Variants in KCNS3 observed in about 807,000 individuals in gnomAD.
The protein encoded by KCNS3 is potassium voltage-gated channel modifier subfamily S member 3.
In KCNS3, 13 loss-of-function variants were observed where a neutral mutation model predicts 31.0. The observed-to-expected ratio is 0.42, with a 90% CI of 0.27 to 0.67. The LOEUF (loss-of-function observed/expected upper bound fraction) is 0.67. Ranked by LOEUF, KCNS3 falls within the 30% of genes least tolerant of loss-of-function variation. KCNS3 has a pLI of 0.25. For synonymous variants in KCNS3, 238 were observed against 241.5 expected, an observed-to-expected ratio of 0.99 and a Z score of 0.13; for missense variants, 545 against 622.4, an observed-to-expected ratio of 0.88 and a Z score of 1.32.
intron 1 of KCNS3, among the ~76,000 whole-genome samples, chr2:17,894,972 T>A (rs1661987987): frequency 6.6e-6 from 1 of 152,190 alleles, no homozygotes; most frequent in South Asian, 2.1e-4. Context: ...ATTTAAAACT[T>A]TTTTGACTTG....
chr2:17,887,111 T>C (rs1208103684), intron 1 of KCNS3, among the ~76,000 whole-genome samples: 1 of 143,964 alleles, frequency 6.9e-6, no homozygotes, highest in Non-Finnish European at 1.5e-5. Context: ...TCTTCTATTA[T>C]TATTATTGTT....
chr2:17,909,467 GC>G (rs1392475955), intron 1 of KCNS3, among the ~76,000 whole-genome samples: 2 of 152,070 alleles, frequency 1.3e-5, no homozygotes, highest in African/African-American at 4.8e-5. Flanking sequence ...CCACTGTCCT[GC>G]CCCCACTGTC....
chr2:17,884,157 A>G (rs1213615038), intron 1 of KCNS3, among the ~76,000 whole-genome samples: 1 of 148,826 alleles, frequency 6.7e-6, no homozygotes, highest in African/African-American at 2.5e-5. Flanking sequence ...CCTAATGTAA[A>G]TAACGAGTTA....
chr2:17,886,552 T>TGAGATTC (rs1426483529), intron 1 of KCNS3, among the ~76,000 whole-genome samples: 6 of 152,284 alleles, frequency 3.9e-5, no homozygotes, highest in Non-Finnish European at 8.8e-5. Context: ...GTTACGAAGA[T>TGAGATTC]GAGATTCAGC....
chr2:17,910,801 G>C (rs1266853159), intron 1 of KCNS3, among the ~76,000 whole-genome samples: 1 of 152,084 alleles, frequency 6.6e-6, no homozygotes, highest in Non-Finnish European at 1.5e-5. Flanking sequence ...CTCTCCCATA[G>C]ACATCTCTTA....
chr2:17,883,812 T>G (rs947515262), intron 1 of KCNS3, among the ~76,000 whole-genome samples: 16 of 152,042 alleles, frequency 1.1e-4, no homozygotes, highest in Non-Finnish European at 2.2e-4. Context: ...CACACGTATG[T>G]TTATTGCGGC....
chr2:17,884,257 A>T (rs1452087638), intron 1 of KCNS3, among the ~76,000 whole-genome samples: 2 of 51,962 alleles, frequency 3.8e-5, no homozygotes, highest in East Asian at 9.2e-4. Flanking sequence ...AAGTATAATT[A>T]AAAAAAAAAA....
intron 1 of KCNS3, among the ~76,000 whole-genome samples, chr2:17,886,751 T>TCCATCCATCCAC (rs1287310803): frequency 4.0e-5 from 6 of 150,838 alleles, no homozygotes; most frequent in Non-Finnish European, 7.4e-5. Flanking sequence ...TGTCCATCCA[T>TCCATCCATCCAC]CCATCCATCC....
At chr2:17,918,269 A>G (rs892542017) in intron 2 of KCNS3, among the ~76,000 whole-genome samples, 1 of 152,230 alleles carries the variant, frequency 6.6e-6, no homozygotes, top group African/African-American at 2.4e-5. Context: ...CAGACTGGGT[A>G]GCTCATCAGA....
At chr2:17,887,633 A>T (rs1266472939) in intron 1 of KCNS3, among the ~76,000 whole-genome samples, 5 of 152,128 alleles carry the variant, frequency 3.3e-5, no homozygotes, top group African/African-American at 1.2e-4. Context: ...GCTGCTATAA[A>T]CATGTGTGCA....
chr2:17,889,893 G>T (rs1661796363), intron 1 of KCNS3, among the ~76,000 whole-genome samples: 1 of 151,782 alleles, frequency 6.6e-6, no homozygotes, highest in Non-Finnish European at 1.5e-5. Flanking sequence ...TTTCTTTTTT[G>T]GTTATATCCT....
Position 17,932,381 on chromosome 2 carries a change from T to C in KCNS3, c.1373T>C (p.Val458Ala). 1 of 1,614,114 alleles carries C rather than the reference T, an allele frequency of 6.2e-7. No homozygotes were observed. The highest frequency in any genetic ancestry group is 8.5e-7 in the Non-Finnish European group (1 of 1,180,000). ...MHTFITSLSS[V>A]GIVVSDPDST... ...ACCTTCATTACCAGTCTCTCTTCTGTAGGCATTGTGGTGAGCGATCCTGAC... is the reference window on the plus strand; with the variant it reads ...ACCTTCATTACCAGTCTCTCTTCTGCAGGCATTGTGGTGAGCGATCCTGAC... Residue 458 changes from valine (V) to alanine (A), a missense_variant, in exon 3 of 3, where the codon GTA becomes GCA. Coordinates refer to ENST00000304101, the MANE Select transcript of KCNS3 (RefSeq NM_002252.5).
intron 1 of KCNS3, among the ~76,000 whole-genome samples, chr2:17,911,232 T>C (rs879431189): frequency 1.3e-5 from 2 of 152,224 alleles, no homozygotes; most frequent in Non-Finnish European, 2.9e-5. Flanking sequence ...TTACCCTCCT[T>C]TTTGTTCTTC....
intron 1 of KCNS3, among the ~76,000 whole-genome samples, chr2:17,895,425 A>G (rs1376518914): frequency 6.6e-6 from 1 of 152,182 alleles, no homozygotes; most frequent in Admixed American, 6.5e-5. Flanking sequence ...GTATAGAAAA[A>G]CAACAGCTTA....
chr2:17,922,888 T>C (rs1013486773), intron 2 of KCNS3, among the ~76,000 whole-genome samples: 4 of 152,234 alleles, frequency 2.6e-5, no homozygotes, highest in Non-Finnish European at 5.9e-5. Flanking sequence ...TTCGCTATTA[T>C]GAATAATGCT....
chr2:17,879,679 C>CA (rs993095145), intron 1 of KCNS3, among the ~76,000 whole-genome samples: 2 of 152,244 alleles, frequency 1.3e-5, no homozygotes, highest in Non-Finnish European at 2.9e-5. Context: ...CCTGCACCCC[C>CA]AACCCCGCTC....
chr2:17,881,793 A>G (rs1203170391), intron 1 of KCNS3, among the ~76,000 whole-genome samples: 2 of 152,188 alleles, frequency 1.3e-5, no homozygotes, highest in Admixed American at 6.5e-5. Context: ...ACAGTGACAG[A>G]GGGGGCTTAC....
chr2:17,879,044 C>T (rs1415490828), intron 1 of KCNS3, among the ~76,000 whole-genome samples: 3 of 152,186 alleles, frequency 2.0e-5, no homozygotes, highest in African/African-American at 7.2e-5. Context: ...CCTAAGGCTC[C>T]GCCTGTTGCG....
chr2:17,927,143 A>G (rs990206726), intron 2 of KCNS3, among the ~76,000 whole-genome samples: 2 of 152,216 alleles, frequency 1.3e-5, no homozygotes, highest in South Asian at 4.1e-4. Context: ...GCAGGGGGAA[A>G]ATGCCACCAG....
Sources: gnomAD v4.1 joint callset for allele counts (sites outside exome capture counted in the v4.1 genomes callset) on GRCh38, gnomAD v4.1.1 for gene constraint, MANE v1.5 for transcripts, NCBI Gene and HGNC (gene_info 2026-07-23, HGNC 2026-07-21) for gene names.